Variants in MACROD2 observed in about 807,000 individuals in gnomAD.
The protein encoded by MACROD2 is mono-ADP ribosylhydrolase 2.
Under a neutral mutation model 70.4 loss-of-function variants are expected in MACROD2, and 36 were observed. The ratio of observed to expected loss-of-function variants is 0.51; its 90% CI spans 0.39 to 0.68. MACROD2 has a LOEUF of 0.68. Ranked by LOEUF, MACROD2 falls within the 30% of genes least tolerant of loss-of-function variation. MACROD2 has a pLI of 0.00. For missense variants in MACROD2, 496 were observed against 538.4 expected (o/e 0.92, Z 0.78); for synonymous variants, 172 against 178.8 (o/e 0.96, Z 0.30).
chr20:15,500,908 T>A (rs550067414), intron 8 of MACROD2, among the ~76,000 whole-genome samples: 2 of 152,160 alleles, frequency 1.3e-5, no homozygotes, highest in Admixed American at 1.3e-4. Context: ...TTAAATCACC[T>A]AAAAGAAGCA....
chr20:14,439,144 T>G (rs962875692), intron 3 of MACROD2, among the ~76,000 whole-genome samples: 2 of 152,182 alleles, frequency 1.3e-5, no homozygotes, highest in Non-Finnish European at 2.9e-5. Flanking sequence ...TGTAGCACTA[T>G]TTGTTGAGGA....
At chr20:14,229,251 C>T (rs1331633888) in intron 3 of MACROD2, among the ~76,000 whole-genome samples, 1 of 152,130 alleles carries the variant, frequency 6.6e-6, no homozygotes, top group Non-Finnish European at 1.5e-5. Context: ...AAAATTTCTG[C>T]TTTGTGAAAG....
At chr20:14,983,401 G>T (rs943036306) in intron 5 of MACROD2, among the ~76,000 whole-genome samples, 2 of 151,700 alleles carry the variant, frequency 1.3e-5, no homozygotes, top group African/African-American at 4.9e-5. Flanking sequence ...ATTGGGAAGG[G>T]CCAGGGGCAG....
chr20:15,736,218 G>C (rs1029374073), intron 8 of MACROD2, among the ~76,000 whole-genome samples: 4 of 152,152 alleles, frequency 2.6e-5, no homozygotes, highest in Non-Finnish European at 5.9e-5. Context: ...CACAAGTTTA[G>C]AGTCACATTG....
chr20:15,355,183 ACT>A (rs1474465733), intron 6 of MACROD2, among the ~76,000 whole-genome samples: 1 of 151,982 alleles, frequency 6.6e-6, no homozygotes, highest in African/African-American at 2.4e-5. Flanking sequence ...CATCCGCAAG[ACT>A]CTCTTTAATT....
Position 14,200,142 on chromosome 20 carries a change from A to T in MACROD2, c.271+114414A>T, listed in dbSNP as rs149611396. Among the ~76,000 whole-genome samples, 86 of 152,332 alleles carry T rather than the reference A, an allele frequency of 5.6e-4. 1 individual carries two copies. The East Asian group carries it at 0.016, about 28-fold the overall frequency. On this transcript the variant is annotated intron_variant, in intron 3 of 17. Coordinates refer to ENST00000684519, the MANE Select transcript of MACROD2 (RefSeq NM_001351661.2). ...GAATCAACCTAAATGCCCATTAACGATAGACTGGATAAAGAAAAATCTGGT... is the reference window on the plus strand; with the variant it reads ...GAATCAACCTAAATGCCCATTAACGTTAGACTGGATAAAGAAAAATCTGGT...
chr20:14,938,940 A>AT (rs1230863391), intron 5 of MACROD2, among the ~76,000 whole-genome samples: 1,714 of 86,458 alleles, frequency 0.02, 76 homozygotes, highest in African/African-American at 0.059. Flanking sequence ...GTTAAATCAG[A>AT]TTTTTTTTTT....
intron 10 of MACROD2, among the ~76,000 whole-genome samples, chr20:15,902,846 G>A (rs2065085944): frequency 6.6e-6 from 1 of 152,058 alleles, no homozygotes; most frequent in Non-Finnish European, 1.5e-5. Context: ...CATGGGAGAC[G>A]TCATGCCAAG....
intron 7 of MACROD2, among the ~76,000 whole-genome samples, chr20:15,456,134 A>T (rs901879233): frequency 6.6e-6 from 1 of 152,166 alleles, no homozygotes; most frequent in Non-Finnish European, 1.5e-5. Context: ...AAAGGCAAAT[A>T]CTGGTAGTCA....
chr20:14,772,003 CA>C (rs1252861294), intron 5 of MACROD2, among the ~76,000 whole-genome samples: 1 of 151,886 alleles, frequency 6.6e-6, no homozygotes, highest in African/African-American at 2.4e-5. Flanking sequence ...TGTCAAAGTT[CA>C]AAAAGCAGGA....
chr20:14,004,757 AGTAG>A (rs1251633703), intron 2 of MACROD2, among the ~76,000 whole-genome samples: 1 of 152,168 alleles, frequency 6.6e-6, no homozygotes, highest in African/African-American at 2.4e-5. Context: ...TACATGTATA[AGTAG>A]GTATTGATAT....
Position 14,873,233 on chromosome 20 carries a change from G to A in MACROD2, c.418+188274G>A, listed in dbSNP as rs558492113. On this transcript the variant is annotated intron_variant, in intron 5 of 17. Coordinates refer to ENST00000684519, the MANE Select transcript of MACROD2 (RefSeq NM_001351661.2). The stretch of plus-strand genomic sequence containing the variant: ...TGTTTTTATCATCTAAACTTATTGA[G>A]TCTTCCTGGTATTATACTTACATTT... 1.3e-5 allele frequency among the ~76,000 whole-genome samples: 2 copies of A among 152,252 alleles called. 1 individual carries two copies. The highest frequency in any genetic ancestry group is 4.2e-4 in the South Asian group (2 of 4,814).
At chr20:14,446,838 G>A (rs2084188139) in intron 3 of MACROD2, among the ~76,000 whole-genome samples, 1 of 151,954 alleles carries the variant, frequency 6.6e-6, no homozygotes, top group Non-Finnish European at 1.5e-5. Context: ...AATAGTATAA[G>A]CAGTCTATAA....
intron 12 of MACROD2, among the ~76,000 whole-genome samples, chr20:15,950,894 G>A (rs958437774): frequency 1.3e-5 from 2 of 152,110 alleles, no homozygotes; most frequent in African/African-American, 2.4e-5. Context: ...CGTTTCCCAC[G>A]TTAATTAACT....
intron 4 of MACROD2, among the ~76,000 whole-genome samples, chr20:14,626,261 C>T (rs1047227239): frequency 2.6e-5 from 4 of 152,150 alleles, no homozygotes; most frequent in Non-Finnish European, 5.9e-5. Flanking sequence ...AAGCTGTCAG[C>T]CTGAGAAACC....
intron 5 of MACROD2, among the ~76,000 whole-genome samples, chr20:14,837,966 A>ATGG (rs2122260810): frequency 2.4e-5 from 3 of 125,904 alleles, no homozygotes; most frequent in Admixed American, 8.0e-5. Context: ...AAAACAAAAC[A>ATGG]AAACAAACAC....
intron 3 of MACROD2, chr20:14,127,999 A>C (rs1373565894): frequency 7.4e-6 from 4 of 537,470 alleles, no homozygotes; most frequent in African/African-American, 1.9e-5. Flanking sequence ...GGTCTGGAGA[A>C]TCATGTTCCT....
intron 5 of MACROD2, among the ~76,000 whole-genome samples, chr20:14,954,990 A>ATG: frequency 2.8e-3 from 3 of 1,076 alleles, no homozygotes; most frequent in Admixed American, 7.6e-3. Context: ...AATATATTAA[A>ATG]TATATTATAT....
At chr20:15,120,288 G>T (rs1335055420) in intron 5 of MACROD2, among the ~76,000 whole-genome samples, 5 of 151,828 alleles carry the variant, frequency 3.3e-5, no homozygotes, top group Non-Finnish European at 5.9e-5. Flanking sequence ...GTGCATTCAT[G>T]CATGTGTGCA....
Sources: allele counts gnomAD v4.1 joint callset (sites outside exome capture counted in the v4.1 genomes callset), GRCh38; gene constraint gnomAD v4.1.1; transcripts MANE v1.5; gene names NCBI Gene and HGNC (gene_info 2026-07-23, HGNC 2026-07-21).